PPP1R12C: variants seen among roughly 807,000 people sequenced by gnomAD.
PPP1R12C encodes leukocyte receptor cluster (LRC) encoded novel gene 3.
Under a neutral mutation model 95.6 loss-of-function variants are expected in PPP1R12C, and 48 were observed. The observed-to-expected ratio is 0.50, with a 90% CI of 0.40 to 0.64. The LOEUF (loss-of-function observed/expected upper bound fraction) is 0.64, where lower values mean the gene tolerates loss of function less well. Ranked by LOEUF, PPP1R12C falls within the 30% of genes least tolerant of loss-of-function variation. The pLI is 0.00. For synonymous variants in PPP1R12C, 480 were observed against 460.8 expected (o/e 1.04, Z -0.53); for missense variants, 1,057 against 1,083.3 (o/e 0.98, Z 0.34).
chr19:55,112,897 T>G, intron 1 of PPP1R12C, 102 bp from the exon 2 acceptor site: 2 of 1,487,038 alleles, frequency 1.3e-6, no homozygotes, highest in South Asian at 2.4e-5. Flanking sequence ...AGGGACACGG[T>G]GCTAGGACAG....
rs781360589 is a variant in PPP1R12C at position 55,096,288 on chromosome 19, T to G, written c.999A>C (p.Gln333His). 2.5e-6 allele frequency: 4 copies of G among 1,613,796 alleles called. No homozygotes were observed. Among genetic ancestry groups the G allele is most frequent in the Non-Finnish European group, 3.4e-6 (4 of 1,179,924 alleles). Residue 333 changes from glutamine to histidine, a missense_variant, in exon 7 of 22, where the codon CAA (glutamine) becomes CAC (histidine). Transcript: ENST00000263433. ...EASQSRGQEP[Q>H]APSSSKHRRS... ...TTCTGTGTTTGCTGCTAGAGGGCGCTTGGGGCTCCTGGCCCCGGCTCTGGG... is the reference window on the plus strand; with the variant it reads ...TTCTGTGTTTGCTGCTAGAGGGCGCGTGGGGCTCCTGGCCCCGGCTCTGGG...
In PPP1R12C at chr19:55,091,113, G is replaced by A; in HGVS notation, c.*359C>T. The A allele has an allele frequency of 3.1e-6, 1 of 326,534 alleles. No individual in the cohort carries two copies. The allele number at this position is 326,534 out of a possible 1,614,324, so 20.2% of individuals were successfully genotyped here. A position where few individuals can be genotyped will look rare whatever the true frequency, so the allele number is the denominator to read the frequency against. On this transcript the variant is annotated 3_prime_UTR_variant, in exon 22 of 22. Coordinates refer to ENST00000263433, the MANE Select transcript of PPP1R12C (RefSeq NM_017607.4). ...TGGCACATTCTTGGATCCCTGCTCA[G>A]GAGGGGAGGGGTGACGGGGTGGCAT... is the stretch of plus-strand genomic sequence containing the variant.
At chr19:55,104,199 T>TATATATATATATATATATACACACACAC (rs34075382) in intron 3 of PPP1R12C, among the ~76,000 whole-genome samples, 1 of 120,054 alleles carries the variant, frequency 8.3e-6, no homozygotes, top group African/African-American at 3.7e-5. Flanking sequence ...TATATATATA[T>TATATATATATATATATATACACACACAC]ACACACACAC....
intron 12 of PPP1R12C, 74 bp from the exon 13 acceptor site, chr19:55,094,509 G>C: frequency 5.0e-6 from 8 of 1,599,156 alleles, no homozygotes; most frequent in Non-Finnish European, 6.8e-6. Flanking sequence ...ACCCTCCGCG[G>C]GAAGCAAGTT....
intron 6 of PPP1R12C, 123 bp from the exon 7 acceptor site, chr19:55,096,458 T>C: frequency 8.5e-7 from 1 of 1,181,324 alleles, no homozygotes; most frequent in Non-Finnish European, 1.2e-6. Context: ...GTGGGCTTAC[T>C]GGTTTTCCTA....
chr19:55,092,188 C>A, intron 19 of PPP1R12C, 34 bp downstream of exon 19: 2 of 1,523,812 alleles, frequency 1.3e-6, no homozygotes, highest in East Asian at 2.4e-5. Context: ...GGCGGCCCTG[C>A]CAGTTCCCGT....
chr19:55,117,009 G>A (rs2085161292), intron 1 of PPP1R12C, among the ~76,000 whole-genome samples: 1 of 152,138 alleles, frequency 6.6e-6, no homozygotes, highest in Non-Finnish European at 1.5e-5. Flanking sequence ...GAGTGGCTAA[G>A]CCCAGGGCCA....
chr19:55,091,662 C>G lies in PPP1R12C; in HGVS notation c.2250G>C (p.Glu750Asp). The change falls in exon 21 of 22, where the codon GAG (glutamate) becomes GAC (aspartate). Residue 750 changes from glutamate (E) to aspartate (D), a missense_variant. Glu to Asp is a conservative substitution (Grantham distance 45, BLOSUM62 2). Around this residue, in one of 5 missense-constraint regions of PPP1R12C, gnomAD observed 347 missense variants for 307.9 expected, o/e 1.13. Coordinates refer to ENST00000263433, the MANE Select transcript of PPP1R12C (RefSeq NM_017607.4). ...RALERKAAEL[E>D]EELKALSDLR... ...CCACAGCCCCCACCTTCAGCTCCTC[C>G]TCCAGCTCTGCGGCCTTGCGTTCCA... 6.2e-7 allele frequency: 1 copy of G among 1,613,132 alleles called. No individual in the cohort carries two copies. Among genetic ancestry groups the G allele is most frequent in the East Asian group, 2.2e-5 (1 of 44,834 alleles).
Position 55,096,110 on chromosome 19 carries a change from G to C in PPP1R12C, c.1094C>G (p.Pro365Arg). The C allele has an allele frequency of 6.3e-7, 1 of 1,599,456 alleles. No homozygotes were observed. Among genetic ancestry groups the C allele is most frequent in the African/African-American group, 1.3e-5 (1 of 74,214 alleles). The change falls in exon 8 of 22, where the codon CCT becomes CGT. Residue 365 changes from proline (P) to arginine (R), a missense_variant. Transcript: ENST00000263433. ...SLQDLSKERR[P>R]GGAGGPPIQD... ...GATGGGGGGCCCCCCAGCCCCACCAGGCCGGCGCTCCTTGGACAAGTCCTG... is the reference window on the plus strand; with the variant it reads ...GATGGGGGGCCCCCCAGCCCCACCACGCCGGCGCTCCTTGGACAAGTCCTG...
chr19:55,097,602 TCTTCGCCCCTTCCCCGC>T, intron 6 of PPP1R12C, among the ~76,000 whole-genome samples: 1 of 58,278 alleles, frequency 1.7e-5, no homozygotes, highest in Non-Finnish European at 3.6e-5. Context: ...TTCACCACCG[TCTTCGCCCCTTCCCCGC>T]GCAGTTCACC....
At chr19:55,095,642 C>A (rs760368879) in intron 9 of PPP1R12C, 39 bp from the exon 10 acceptor site, 9 of 1,518,974 alleles carry the variant, frequency 5.9e-6, no homozygotes, top group Non-Finnish European at 7.9e-6. Flanking sequence ...GAGAAAGGAT[C>A]CCTCTTCTCA....
intron 18 of PPP1R12C, 35 bp from the exon 19 acceptor site, chr19:55,092,361 T>TGGGGCGATGCTGGG: frequency 8.1e-7 from 1 of 1,230,188 alleles, no homozygotes; most frequent in South Asian, 1.3e-5. Flanking sequence ...AGGTGGAGGA[T>TGGGGCGATGCTGGG]GGGGCGATGC....
Position 55,112,718 on chromosome 19 carries a change from C to T in PPP1R12C, c.399G>A (p.Glu133=), listed in dbSNP as rs751767946. ...CGGCCACGTGCAGTGGCGTCCAGCCCTCGTTGTCTGCCTGGTTCACAGTGG... is the reference window on the plus strand; with the variant it reads ...CGGCCACGTGCAGTGGCGTCCAGCCTTCGTTGTCTGCCTGGTTCACAGTGG... ...QGATVNQADN[E]GWTPLHVAAS... is the part of the protein sequence containing the mutation. Residue 133 remains glutamate, a synonymous_variant, in exon 2 of 22, where the codon GAG becomes GAA. Transcript: ENST00000263433. The T allele has an allele frequency of 1.9e-6, 3 of 1,613,948 alleles. No individual in the cohort carries two copies. Among genetic ancestry groups the T allele is most frequent in the South Asian group, 2.2e-5 (2 of 91,076 alleles).
At chr19:55,107,753 T>C (rs1231776370) in intron 3 of PPP1R12C, among the ~76,000 whole-genome samples, 3 of 150,562 alleles carry the variant, frequency 2.0e-5, no homozygotes, top group African/African-American at 7.3e-5. Flanking sequence ...AATGACGAGT[T>C]AATGGGTGCA....
intron 4 of PPP1R12C, 122 bp downstream of exon 4, chr19:55,103,287 G>T: frequency 2.0e-6 from 2 of 1,010,570 alleles, no homozygotes; most frequent in African/African-American, 1.7e-5. Flanking sequence ...TGTGGGTACA[G>T]CTAAGGCTGT....
At position 55,091,458 on chromosome 19, in the gene PPP1R12C, A is replaced by G. The variant is rs752740644; in HGVS notation, c.*14T>C. 9 of 1,610,890 alleles carry G rather than the reference A, an allele frequency of 5.6e-6. No individual in the cohort carries two copies. The highest frequency in any genetic ancestry group is 1.1e-5 in the South Asian group (1 of 90,968). Reference sequence around the variant, plus strand: ...GCAGCTGTATAAATACGGGTGCGGGAAAGTCCCTCCGGGTCACTTGGAGAG... The same window carrying G: ...GCAGCTGTATAAATACGGGTGCGGGGAAGTCCCTCCGGGTCACTTGGAGAG... On this transcript the variant is annotated 3_prime_UTR_variant, in exon 22 of 22. Transcript: ENST00000263433.
At chr19:55,113,335 C>G in intron 1 of PPP1R12C, 1 of 1,284,542 alleles carries the variant, frequency 7.8e-7, no homozygotes, top group Non-Finnish European at 1.0e-6. Context: ...CCACCCTGTG[C>G]TGGGACAGAC....
intron 21 of PPP1R12C, 43 bp downstream of exon 21, chr19:55,091,607 C>T (rs1190179568): frequency 1.2e-6 from 2 of 1,603,872 alleles, no homozygotes; most frequent in Non-Finnish European, 1.7e-6. Flanking sequence ...GTTGCACCCC[C>T]ACCCACCCTC....
intron 4 of PPP1R12C, among the ~76,000 whole-genome samples, chr19:55,103,040 A>G (rs931106126): frequency 6.6e-6 from 1 of 152,100 alleles, no homozygotes; most frequent in African/African-American, 2.4e-5. Context: ...CATCTCTACA[A>G]AAATTAGCGG....
Sources: allele counts gnomAD v4.1 joint callset (sites outside exome capture counted in the v4.1 genomes callset), GRCh38; gene constraint gnomAD v4.1.1; regional missense constraint gnomAD v4.1.1; transcripts MANE v1.5; gene names NCBI Gene and HGNC (gene_info 2026-07-23, HGNC 2026-07-21).